ANKRD30B: variants seen among roughly 807,000 people sequenced by gnomAD.
ANKRD30B encodes the protein ankyrin repeat domain 30B, also known as ankyrin repeat domain-containing protein 30B.
Under a neutral mutation model 202.2 loss-of-function variants are expected in ANKRD30B, and 144 were observed. The observed-to-expected ratio is 0.71, with a 90% CI of 0.62 to 0.82. The LOEUF (loss-of-function observed/expected upper bound fraction) is 0.82. ANKRD30B is among the 40% of genes least tolerant of loss of function. The pLI, the probability that ANKRD30B is intolerant of heterozygous loss-of-function variation, is 0.00. For missense variants in ANKRD30B, 1,487 were observed against 1,669.1 expected (o/e 0.89, Z 1.90); for synonymous variants, 508 against 561.3 (o/e 0.91, Z 1.34).
At chr18:14,928,786 A>G in the ANKRD30B span, among the ~76,000 whole-genome samples, 5 of 152,234 alleles carry the variant, frequency 3.3e-5, no homozygotes, top group Non-Finnish European at 7.4e-5. Flanking sequence ...GTTCTGTCAA[A>G]TTTTGGTGAT....
At chr18:14,774,169 T>C (rs1451732472) in intron 9 of ANKRD30B, among the ~76,000 whole-genome samples, 2 of 152,128 alleles carry the variant, frequency 1.3e-5, no homozygotes, top group African/African-American at 4.8e-5. Flanking sequence ...AAATCTTTAT[T>C]ACCCAGGTAT....
At chr18:14,766,421 C>T (rs1430981555) in intron 7 of ANKRD30B, among the ~76,000 whole-genome samples, 1 of 124,946 alleles carries the variant, frequency 8.0e-6, no homozygotes, top group Non-Finnish European at 1.6e-5. Context: ...TGCAGTGAGC[C>T]GAGATCTCAC....
chr18:14,866,571 C>T, the ANKRD30B span, among the ~76,000 whole-genome samples: 1 of 152,276 alleles, frequency 6.6e-6, no homozygotes, highest in Admixed American at 6.5e-5. Context: ...GCCACCATGG[C>T]TCGCCTGGTT....
intron 33 of ANKRD30B, among the ~76,000 whole-genome samples, chr18:14,828,610 C>G (rs536084847): frequency 6.6e-6 from 1 of 152,280 alleles, no homozygotes; most frequent in East Asian, 1.9e-4. Context: ...TTCCCTTCCC[C>G]CTTGGCATAG....
chr18:14,818,389 T>G (rs898593086), intron 30 of ANKRD30B, among the ~76,000 whole-genome samples: 1 of 152,092 alleles, frequency 6.6e-6, no homozygotes, highest in African/African-American at 2.4e-5. Flanking sequence ...ACTTTAAGTT[T>G]TAGGGTACAT....
chr18:14,757,785 T>C, intron 4 of ANKRD30B, 30 bp from the exon 5 acceptor site: 1 of 1,603,884 alleles, frequency 6.2e-7, no homozygotes, highest in Admixed American at 1.7e-5. Context: ...TTGATTCTGC[T>C]CATAATAAGT....
At chr18:14,854,849 A>G (rs1209663671), downstream of ANKRD30B, among the ~76,000 whole-genome samples, 1 of 150,486 alleles carries the variant, frequency 6.6e-6, no homozygotes, top group East Asian at 1.9e-4. Flanking sequence ...ACACACACAC[A>G]CACACACACA....
chr18:14,786,972 T>G (rs546260638), intron 14 of ANKRD30B, 67 bp from the exon 15 acceptor site: 31 of 1,467,994 alleles, frequency 2.1e-5, no homozygotes, highest in African/African-American at 2.8e-5. Context: ...AGTAGACTTG[T>G]GTATGTTTTT....
intron 1 of ANKRD30B, among the ~76,000 whole-genome samples, chr18:14,752,076 G>A (rs1450781402): frequency 6.6e-6 from 1 of 152,122 alleles, no homozygotes; most frequent in African/African-American, 2.4e-5. Context: ...ACACCACGAA[G>A]TAGGCATAAT....
At chr18:14,799,984 A>T (rs1006990483) in intron 22 of ANKRD30B, among the ~76,000 whole-genome samples, 5 of 151,952 alleles carry the variant, frequency 3.3e-5, no homozygotes, top group Non-Finnish European at 7.4e-5. Context: ...TAATCCTGGC[A>T]ATTTAGGAGA....
intron 34 of ANKRD30B, 131 bp downstream of exon 34, chr18:14,831,586 A>G (rs1970942619): frequency 1.9e-6 from 1 of 529,448 alleles, no homozygotes; most frequent in South Asian, 3.1e-5. Flanking sequence ...TCACATAAAA[A>G]CATTTTATAG....
rs879340454 is a variant in ANKRD30B, at chr18:14,837,461, C to CT, written c.2927-146dup. On this transcript the variant is annotated intron_variant, in intron 35 of 43. Transcript: ENST00000690538. ...GATATCTTTCTTCATACTATCAACT[C>CT]TTTTTTTTCTGAACCTGCTTCAATT... Among the ~76,000 whole-genome samples the CT allele has an allele frequency of 7.3e-5, 11 of 151,414 alleles. No individual in the cohort carries two copies. In the East Asian group the frequency reaches 9.7e-4, roughly 13 times the overall value.
the ANKRD30B span, among the ~76,000 whole-genome samples, chr18:14,871,668 G>A: frequency 6.6e-5 from 10 of 152,084 alleles, no homozygotes; most frequent in Admixed American, 5.9e-4. Flanking sequence ...CCAGGTGGGA[G>A]GATTTCTTGA....
chr18:14,752,495 A>C, intron 1 of ANKRD30B, 71 bp from the exon 2 acceptor site: 1 of 1,135,536 alleles, frequency 8.8e-7, no homozygotes. Context: ...TAATGTTTAC[A>C]ATTACCTAAA....
intron 32 of ANKRD30B, among the ~76,000 whole-genome samples, chr18:14,826,383 A>T (rs200711522): frequency 0.015 from 2,156 of 145,120 alleles, 56 homozygotes; most frequent in African/African-American, 0.052. Flanking sequence ...TACAAGTTCT[A>T]CAGTGGTAAT....
At chr18:14,797,590 C>T in intron 18 of ANKRD30B, 71 bp from the exon 19 acceptor site, 2 of 1,464,794 alleles carry the variant, frequency 1.4e-6, no homozygotes, top group Non-Finnish European at 1.9e-6. Context: ...TTCATATTCA[C>T]ACTGTATGAA....
chr18:14,875,066 C>T, the ANKRD30B span, among the ~76,000 whole-genome samples: 2 of 152,106 alleles, frequency 1.3e-5, no homozygotes, highest in Admixed American at 6.6e-5. Flanking sequence ...TATGAGCAGA[C>T]GTTTTCACCA....
intron 32 of ANKRD30B, among the ~76,000 whole-genome samples, chr18:14,823,977 C>T (rs1970562712): frequency 6.6e-6 from 1 of 152,112 alleles, no homozygotes; most frequent in East Asian, 1.9e-4. Flanking sequence ...TCTCAAAAAG[C>T]AAACAAGCAA....
At chr18:14,911,698 T>A in the ANKRD30B span, among the ~76,000 whole-genome samples, 1 of 152,188 alleles carries the variant, frequency 6.6e-6, no homozygotes, top group Non-Finnish European at 1.5e-5. Flanking sequence ...AAATTGTACT[T>A]CTGGGTTGCT....
Sources: gnomAD v4.1 joint callset for allele counts (sites outside exome capture counted in the v4.1 genomes callset) on GRCh38, gnomAD v4.1.1 for gene constraint, MANE v1.5 for transcripts, NCBI Gene and HGNC (gene_info 2026-07-23, HGNC 2026-07-21) for gene names.